Variants in BICRAL observed in about 807,000 individuals in gnomAD.
BICRAL encodes the protein BICRA like chromatin remodeling complex associated protein, also known as BRD4-interacting chromatin-remodeling complex-associated protein-like.
A neutral mutation model predicts 91.8 loss-of-function variants in BICRAL; 8 were observed. The ratio of observed to expected loss-of-function variants is 0.09; its 90% confidence interval spans 0.05 to 0.16. The LOEUF (loss-of-function observed/expected upper bound fraction) is 0.16, where lower values mean the gene tolerates loss of function less well. Among genes scored for constraint, BICRAL ranks in the 10% least tolerant of loss-of-function variants. BICRAL has a pLI of 1.00. For synonymous variants in BICRAL, 445 were observed against 491.1 expected (o/e 0.91, Z 1.24); for missense variants, 1,038 against 1,310.9 (o/e 0.79, Z 3.21).
chr6:42,758,884 T>C (rs1762501471), intron 1 of BICRAL, among the ~76,000 whole-genome samples: 1 of 152,096 alleles, frequency 6.6e-6, no homozygotes, highest in Non-Finnish European at 1.5e-5. Context: ...GACCAAAAAG[T>C]CTCTGCCTTC....
Position 42,815,467 on chromosome 6 carries a change from C to T in BICRAL, c.-6+5066C>T, listed in dbSNP as rs538272683. ...TCGGCCTCCCAAATTGTTGGGATTA[C>T]AGGCGTGAGCCACCGTGCCCAGCCC... On this transcript the variant is annotated intron_variant, in intron 2 of 12. Coordinates refer to ENST00000314073, the MANE Select transcript of BICRAL (RefSeq NM_001393499.1). Among the ~76,000 whole-genome samples the T allele has an allele frequency of 4.9e-4, 75 of 152,076 alleles. 1 individual carries two copies. The highest frequency in any genetic ancestry group is 1.7e-3 in the African/African-American group (72 of 41,524).
intron 2 of BICRAL, among the ~76,000 whole-genome samples, chr6:42,816,195 C>CA (rs1200144350): frequency 7.1e-4 from 96 of 134,650 alleles, no homozygotes; most frequent in Middle Eastern, 3.6e-3. Flanking sequence ...TCGTCTCTAC[C>CA]AAAAAAAAAT....
chr6:42,787,228 C>G (rs1188033243), intron 1 of BICRAL, among the ~76,000 whole-genome samples: 4 of 152,032 alleles, frequency 2.6e-5, no homozygotes, highest in African/African-American at 9.7e-5. Context: ...GTTGCAGGCT[C>G]CAGCCTTGGG....
rs115862445 is a variant in BICRAL, at chr6:42,838,171, T to C, written c.1839+7999T>C. ...TCCTAGGAACAAGGACCTTTTAATA[T>C]AATTATATCAAATTTCTTCCATTTG... is the stretch of plus-strand genomic sequence containing the variant. On this transcript the variant is annotated intron_variant, in intron 6 of 12. Transcript: ENST00000314073. Among the ~76,000 whole-genome samples, 1,062 of 152,334 alleles carry C rather than the reference T, an allele frequency of 7.0e-3. 5 individuals are homozygous for C. The highest frequency in any genetic ancestry group is 0.022 in the African/African-American group (935 of 41,578).
At position 42,829,268 on chromosome 6, in the gene BICRAL, A is replaced by G; in HGVS notation, c.935A>G (p.Asn312Ser). Reference sequence around the variant, plus strand: ...CCAAATTCAAATAAAGTCCCAATTAATATACAGCCAAAGCCTATCCAGATG... The same window carrying G: ...CCAAATTCAAATAAAGTCCCAATTAGTATACAGCCAAAGCCTATCCAGATG... ...LAPNSNKVPI[N>S]IQPKPIQMGQ... Residue 312 changes from asparagine to serine, a missense_variant, in exon 6 of 13, where the codon AAT (asparagine) becomes AGT (serine). By Grantham distance (46) the Asn-to-Ser change is conservative (BLOSUM62 1). Around this residue, in one of 5 missense-constraint regions of BICRAL, gnomAD observed 532 missense variants for 724.9 expected, o/e 0.73. Coordinates refer to ENST00000314073, the MANE Select transcript of BICRAL (RefSeq NM_001393499.1). The G allele has an allele frequency of 6.2e-7, 1 of 1,614,206 alleles. No homozygotes were observed. The highest frequency in any genetic ancestry group is 8.5e-7 in the Non-Finnish European group (1 of 1,180,002).
At chr6:42,787,902 A>AT (rs969940075) in intron 1 of BICRAL, among the ~76,000 whole-genome samples, 3 of 145,364 alleles carry the variant, frequency 2.1e-5, no homozygotes, top group African/African-American at 7.7e-5. Flanking sequence ...TTTTTTTTTA[A>AT]TTTTTTTTTA....
chr6:42,775,557 G>A (rs1425973483), intron 1 of BICRAL, among the ~76,000 whole-genome samples: 1 of 152,194 alleles, frequency 6.6e-6, no homozygotes, highest in Non-Finnish European at 1.5e-5. Context: ...CCAACAGCAT[G>A]TGGTGCCCCC....
intron 1 of BICRAL, among the ~76,000 whole-genome samples, chr6:42,749,762 C>T (rs901992642): frequency 5.9e-5 from 9 of 151,764 alleles, no homozygotes; most frequent in African/African-American, 9.7e-5. Flanking sequence ...CCACCTCTCA[C>T]CCTGATTATT....
chr6:42,775,742 T>G (rs1762799355), intron 1 of BICRAL, among the ~76,000 whole-genome samples: 2 of 152,216 alleles, frequency 1.3e-5, no homozygotes, highest in Non-Finnish European at 2.9e-5. Flanking sequence ...AGATTTTTTT[T>G]AAGTCTGTCA....
At chr6:42,790,990 T>C (rs557755925) in intron 1 of BICRAL, among the ~76,000 whole-genome samples, 13 of 152,040 alleles carry the variant, frequency 8.6e-5, no homozygotes, top group African/African-American at 2.7e-4. Context: ...ATCACTAACA[T>C]GGTGCCTGGC....
chr6:42,862,735 G>C, intron 12 of BICRAL, 123 bp downstream of exon 12: 1 of 677,572 alleles, frequency 1.5e-6, no homozygotes, highest in Non-Finnish European at 2.7e-6. Context: ...ATTCTGGGGA[G>C]AGCTGGGCAC....
chr6:42,800,621 C>G (rs1359068709), intron 1 of BICRAL, among the ~76,000 whole-genome samples: 1 of 151,538 alleles, frequency 6.6e-6, no homozygotes, highest in African/African-American at 2.4e-5. Flanking sequence ...GTGATCTCAG[C>G]TCACTGCAAC....
chr6:42,850,010 T>C (rs767935695), intron 6 of BICRAL, among the ~76,000 whole-genome samples: 3 of 150,960 alleles, frequency 2.0e-5, no homozygotes, highest in East Asian at 2.0e-4. Context: ...GCACTCCAGC[T>C]TGGGTGACAG....
chr6:42,782,343 T>TGGG (rs747628152), intron 1 of BICRAL, among the ~76,000 whole-genome samples: 30 of 17,042 alleles, frequency 1.8e-3, no homozygotes, highest in Non-Finnish European at 2.3e-3. Flanking sequence ...TTTTTTTTTT[T>TGGG]GGGGGGGGGT....
chr6:42,847,751 T>G (rs1431314704), intron 6 of BICRAL, among the ~76,000 whole-genome samples: 1 of 151,292 alleles, frequency 6.6e-6, no homozygotes, highest in Non-Finnish European at 1.5e-5. Flanking sequence ...GGTGAAACCC[T>G]GTCTCTACTA....
chr6:42,835,994 C>A (rs1396411939), intron 6 of BICRAL, among the ~76,000 whole-genome samples: 1 of 152,120 alleles, frequency 6.6e-6, no homozygotes, highest in Non-Finnish European at 1.5e-5. Context: ...TAAAACAGTT[C>A]CAAAGTAGTC....
At position 42,864,714 on chromosome 6, in the gene BICRAL, G is replaced by A. The variant is rs548782383; in HGVS notation, c.2508G>A (p.Glu836=). The change falls in exon 13 of 13, where the codon GAG becomes GAA. Residue 836 remains glutamate (E), a synonymous_variant. Coordinates refer to ENST00000314073, the MANE Select transcript of BICRAL (RefSeq NM_001393499.1). ...TCAAACTTGATAAAGCTGCTCATGAGACACAGTTTGGCCGGAGTGACCAGC... is the reference window on the plus strand; with the variant it reads ...TCAAACTTGATAAAGCTGCTCATGAAACACAGTTTGGCCGGAGTGACCAGC... ...CSFKLDKAAH[E]TQFGRSDQHG... is the part of the protein sequence containing the mutation. 5 of 1,614,136 alleles carry A rather than the reference G, an allele frequency of 3.1e-6. No homozygotes were observed. The African/African-American group carries it at 6.7e-5, about 22-fold the overall frequency.
At chr6:42,803,294 CT>C (rs1384041142) in intron 1 of BICRAL, among the ~76,000 whole-genome samples, 1 of 152,190 alleles carries the variant, frequency 6.6e-6, no homozygotes, top group East Asian at 1.9e-4. Flanking sequence ...ATCTTTAAAA[CT>C]TGTATTTCCT....
intron 1 of BICRAL, among the ~76,000 whole-genome samples, chr6:42,797,835 G>A (rs1763456846): frequency 2.0e-5 from 3 of 152,168 alleles, no homozygotes; most frequent in Non-Finnish European, 4.4e-5. Context: ...AATTAGCCGG[G>A]CATGGTGGCA....
Sources: gnomAD v4.1 joint callset for allele counts (sites outside exome capture counted in the v4.1 genomes callset) on GRCh38, gnomAD v4.1.1 for gene constraint, gnomAD v4.1.1 regional missense constraint, MANE v1.5 for transcripts, NCBI Gene and HGNC (gene_info 2026-07-23, HGNC 2026-07-21) for gene names.